COX7A2L: variants seen among roughly 807,000 people sequenced by gnomAD.
COX7A2L encodes cytochrome c oxidase subunit 7A2-like, mitochondrial.
Under a neutral mutation model 14.2 loss-of-function variants are expected in COX7A2L, and 18 were observed. The observed-to-expected ratio is 1.27, with a 90% CI of 0.88 to 1.88. The LOEUF (loss-of-function observed/expected upper bound fraction) is 1.88. Among genes scored for constraint, COX7A2L ranks in the 40% most tolerant of loss-of-function variants. COX7A2L has a pLI of 0.00. For missense variants in COX7A2L, 179 were observed against 138.8 expected (o/e 1.29, Z -1.46); for synonymous variants, 65 against 57.4 (o/e 1.13, Z -0.60).
At position 42,342,627 on chromosome 2, in the gene COX7A2L, C is replaced by T. The variant is rs1670421851; in HGVS notation, c.193-8758G>A. On this transcript the variant is annotated intron_variant, in intron 2 of 2. Coordinates refer to the COX7A2L transcript ENST00000468711. This position sits in a 1 kb window ranked among gnomAD's most constrained non-coding sequence, Gnocchi z 4.9. ...TCCAATCTGGCTAATACACATTAGG[C>T]AGTGTAGAGACCTGTGCTTTGGCCC... Among the ~76,000 whole-genome samples the T allele has an allele frequency of 6.6e-6, 1 of 152,168 alleles. No individual in the cohort carries two copies. Among genetic ancestry groups the T allele is most frequent in the South Asian group, 2.1e-4 (1 of 4,834 alleles).
downstream of COX7A2L, among the ~76,000 whole-genome samples, chr2:42,347,307 C>CTT (rs10718452): frequency 0.014 from 1,923 of 134,968 alleles, 29 homozygotes; most frequent in Admixed American, 0.031. Context: ...AAACCAGCAC[C>CTT]TTTTTTTTTT....
chr2:42,347,568 G>A (rs1670522910), downstream of COX7A2L, among the ~76,000 whole-genome samples: 3 of 152,118 alleles, frequency 2.0e-5, no homozygotes, highest in Admixed American at 1.3e-4. Flanking sequence ...CAATCTCTAA[G>A]CTACAAGTGA....
intron 1 of COX7A2L, among the ~76,000 whole-genome samples, chr2:42,357,133 A>C (rs1017894232): frequency 2.0e-5 from 3 of 152,226 alleles, no homozygotes; most frequent in Non-Finnish European, 4.4e-5. Flanking sequence ...TTTTCCCTCT[A>C]AAAGTTGGTT....
At chr2:42,353,039 A>G (rs1287241317) in intron 2 of COX7A2L, 173 bp downstream of exon 2, 8 of 743,600 alleles carry the variant, frequency 1.1e-5, no homozygotes, top group Admixed American at 9.4e-5. Flanking sequence ...TTTTATCAGT[A>G]TCTACCTATA....
At chr2:42,358,563 C>T (rs2103906328) in intron 1 of COX7A2L, among the ~76,000 whole-genome samples, 1 of 152,344 alleles carries the variant, frequency 6.6e-6, no homozygotes, top group East Asian at 1.9e-4. Context: ...CTGTCACAAT[C>T]ACTCAGAAAT....
At position 42,349,754 on chromosome 2, in the gene COX7A2L, TA is replaced by T. The variant is rs929775451; in HGVS notation, c.*1464del. 32 of 152,314 alleles carry T rather than the reference TA, an allele frequency of 2.1e-4. No homozygotes were observed. The highest frequency in any genetic ancestry group is 7.7e-4 in the African/African-American group (32 of 41,570). The allele number at this position is 152,314 out of a possible 1,614,324, so 9.4% of individuals were successfully genotyped here. On this transcript the variant is annotated 3_prime_UTR_variant, in exon 3 of 3. Coordinates refer to ENST00000234301, the MANE Select transcript of COX7A2L (RefSeq NM_004718.4). ...ACTTTATTGAGTCTGACAACTGCAT[TA>T]TGGTTATAAAGGAACACATGTCCTT...
In COX7A2L at chr2:42,351,262, C is replaced by T. The variant is rs1670634935; in HGVS notation, c.302G>A (p.Cys101Tyr). The T allele has an allele frequency of 6.2e-7, 1 of 1,614,026 alleles. No homozygotes were observed. Among genetic ancestry groups the T allele is most frequent in the African/African-American group, 1.3e-5 (1 of 74,922 alleles). ...MALTVGGTIY[C>Y]LIALYMASQP... ...CGAAGCCATGTAGAGGGCGATCAGG[C>T]AGTAGATGGTCCCTCCCACAGTCAG... Residue 101 changes from cysteine (C) to tyrosine (Y), a missense_variant, in exon 3 of 3, where the codon TGC (cysteine) becomes TAC (tyrosine). Transcript: ENST00000234301.
rs1670413081 is a variant in COX7A2L, at chr2:42,342,050, A to C, written c.193-8181T>G. On this transcript the variant is annotated intron_variant, in intron 2 of 2. Transcript: ENST00000468711. The surrounding 1 kb of genome is among the most constrained non-coding windows in gnomAD (Gnocchi z 4.9). ...GGGAAGATGGGGTTAAAGCCCTCCC[A>C]GGTATGAACTGATTCTAGAGCATCT... 6.6e-6 allele frequency among the ~76,000 whole-genome samples: 1 copy of C among 152,158 alleles called. No homozygotes were observed. Among genetic ancestry groups the C allele is most frequent in the South Asian group, 2.1e-4 (1 of 4,830 alleles).
At chr2:42,352,384 GCAAT>G (rs1558631729) in intron 2 of COX7A2L, among the ~76,000 whole-genome samples, 1 of 152,104 alleles carries the variant, frequency 6.6e-6, no homozygotes, top group Non-Finnish European at 1.5e-5. Context: ...GGCTGATCAA[GCAAT>G]CCTCCTACCT....
chr2:42,352,061 G>C (rs1202943107), intron 2 of COX7A2L, among the ~76,000 whole-genome samples: 1 of 152,156 alleles, frequency 6.6e-6, no homozygotes, highest in African/African-American at 2.4e-5. Context: ...GATGGGGTCG[G>C]AGTACCTCAT....
intron 1 of COX7A2L, chr2:42,359,581 G>T (rs143949839): frequency 6.6e-6 from 1 of 152,222 alleles, no homozygotes; most frequent in East Asian, 1.9e-4. Context: ...TTCGGTTTCA[G>T]TGAGACCACA....
downstream of COX7A2L, among the ~76,000 whole-genome samples, chr2:42,346,011 A>G (rs1216404568): frequency 6.6e-6 from 1 of 152,218 alleles, no homozygotes; most frequent in Non-Finnish European, 1.5e-5. Context: ...CCTAACTCTG[A>G]GAATAAAGCG....
At chr2:42,341,277 G>A (rs181634472) in intron 2 of COX7A2L, among the ~76,000 whole-genome samples, 5 of 152,234 alleles carry the variant, frequency 3.3e-5, no homozygotes, top group East Asian at 1.9e-4. Context: ...CCCTTGGCAG[G>A]AGCAAGGCCA....
chr2:42,351,289 G>T lies in COX7A2L; in HGVS notation c.275C>A (p.Ala92Glu). 2 of 1,614,194 alleles carry T rather than the reference G, an allele frequency of 1.2e-6. No individual in the cohort carries two copies. Among genetic ancestry groups the T allele is most frequent in the South Asian group, 1.1e-5 (1 of 91,072 alleles). Residue 92 changes from alanine (A) to glutamate (E), a missense_variant, in exon 3 of 3, where the codon GCG becomes GAG. Ala to Glu is a moderately radical substitution (Grantham distance 107). Transcript: ENST00000234301. ...GTAGATGGTCCCTCCCACAGTCAGC[G>T]CCATGGTGGTCCGGTAAAGCATTTG... ...PDQMLYRTTM[A>E]LTVGGTIYCL...
upstream of COX7A2L, among the ~76,000 whole-genome samples, chr2:42,364,250 CAAAA>C (rs35151680): frequency 3.5e-5 from 3 of 85,410 alleles, no homozygotes; most frequent in South Asian, 1.0e-3. Flanking sequence ...GACTCCGTCT[CAAAA>C]AAAAAAAAAA....
At chr2:42,353,478 C>T in intron 1 of COX7A2L, 135 bp from the exon 2 acceptor site, 3 of 1,181,972 alleles carry the variant, frequency 2.5e-6, no homozygotes, top group Admixed American at 2.6e-5. Flanking sequence ...CTGTCAAGAA[C>T]CCCTTGCCAT....
chr2:42,355,134 A>C (rs1670775942), intron 1 of COX7A2L, among the ~76,000 whole-genome samples: 4 of 152,234 alleles, frequency 2.6e-5, no homozygotes, highest in Admixed American at 2.6e-4. Flanking sequence ...AGCCCATTTA[A>C]AGAGAAAGTT....
At position 42,351,108 on chromosome 2, in the gene COX7A2L, C is replaced by T; in HGVS notation, c.*111G>A. 8.3e-7 allele frequency: 1 copy of T among 1,200,600 alleles called. No individual in the cohort carries two copies. The highest frequency in any genetic ancestry group is 1.1e-6 in the Non-Finnish European group (1 of 882,570). 74.4% of individuals were successfully genotyped at this position (1,200,600 alleles called of 1,614,324 possible). ...ATCATCTTCATATCTTCCTATTTTT[C>T]TTGCAAAAATGTTAAGCCATCCAAG... is the stretch of plus-strand genomic sequence containing the variant. On this transcript the variant is annotated 3_prime_UTR_variant, in exon 3 of 3. Transcript: ENST00000234301.
chr2:42,356,450 A>T (rs376294997), intron 1 of COX7A2L, among the ~76,000 whole-genome samples: 1 of 152,226 alleles, frequency 6.6e-6, no homozygotes, highest in East Asian at 1.9e-4. Context: ...GACTTAGAAA[A>T]GCAACCGGCA....
Sources: gnomAD v4.1 joint callset for allele counts (sites outside exome capture counted in the v4.1 genomes callset) on GRCh38, gnomAD v4.1.1 for gene constraint, Gnocchi (gnomAD v3.1) non-coding constraint, MANE v1.5 for transcripts, NCBI Gene and HGNC (gene_info 2026-07-23, HGNC 2026-07-21) for gene names.